Variants in ELMO2 observed in about 807,000 individuals in gnomAD.
ELMO2 encodes engulfment and cell motility protein 2.
In ELMO2, 37 loss-of-function variants were observed where a neutral mutation model predicts 96.2. The ratio of observed to expected loss-of-function variants is 0.38; its 90% CI spans 0.30 to 0.51. The LOEUF is 0.51. Among genes scored for constraint, ELMO2 ranks in the 20% least tolerant of loss-of-function variants. ELMO2 has a pLI of 0.88. For missense variants in ELMO2, 561 were observed against 912.6 expected, an observed-to-expected ratio of 0.61 and a Z score of 4.96; for synonymous variants, 315 against 329.4, an observed-to-expected ratio of 0.96 and a Z score of 0.47.
rs187295592 is a variant in ELMO2 at position 46,393,268 on chromosome 20, G to A, written c.193-125C>T. 2.6e-5 allele frequency: 26 copies of A among 1,003,908 alleles called. No individual in the cohort carries two copies. The East Asian group carries it at 5.4e-4, about 21-fold the overall frequency. The allele number at this position is 1,003,908 out of a possible 1,614,324, so 62.2% of individuals were successfully genotyped here. A position where few individuals can be genotyped will look rare whatever the true frequency, so the allele number is the denominator to read the frequency against. ...GATGTAACTGAGGATCTTCAGTCGG[G>A]CCCTCTTCTCCTGCTTATTCCTTGG... On this transcript the variant is annotated intron_variant, in intron 5 of 21. Transcript: ENST00000290246.
Position 46,374,444 on chromosome 20 carries a change from T to TA in ELMO2, c.1171-5_1171-4insT. 6.2e-7 allele frequency: 1 copy of TA among 1,613,862 alleles called. No homozygotes were observed. Among genetic ancestry groups the TA allele is most frequent in the Non-Finnish European group, 8.5e-7 (1 of 1,179,898 alleles). On this transcript the variant is annotated splice_polypyrimidine_tract_variant and splice_region_variant and intron_variant, in intron 14 of 21. Coordinates refer to ENST00000290246, the MANE Select transcript of ELMO2 (RefSeq NM_133171.5). The stretch of plus-strand genomic sequence containing the variant: ...GGCTACTGTTCTCCAAGACAATCTG[T>TA]CGGGGGAAGAGAAAGGGAGGATTAG...
Position 46,375,161 on chromosome 20 carries a change from G to GCT in ELMO2, c.1065+73_1065+74dup. 1 of 1,543,858 alleles carries GCT rather than the reference G, an allele frequency of 6.5e-7. No individual in the cohort carries two copies. Among genetic ancestry groups the GCT allele is most frequent in the Admixed American group, 1.9e-5 (1 of 53,682 alleles). On this transcript the variant is annotated intron_variant, in intron 13 of 21. Coordinates refer to ENST00000290246, the MANE Select transcript of ELMO2 (RefSeq NM_133171.5). This position sits in a 1 kb window ranked among gnomAD's most constrained non-coding sequence, Gnocchi z 4.6. ...GGCCACCATGGGGTTGGTTGTCAGA[G>GCT]CTCTGTCTGGGTGGGACCATTGACT...
intron 20 of ELMO2, 107 bp from the exon 21 acceptor site, chr20:46,369,075 T>C: frequency 3.0e-6 from 3 of 1,000,488 alleles, no homozygotes; most frequent in Admixed American, 3.7e-5. Context: ...AACATGCTGA[T>C]TCAGATGAAT....
intron 1 of ELMO2, among the ~76,000 whole-genome samples, chr20:46,405,735 T>C (rs2060425052): frequency 6.6e-6 from 1 of 151,858 alleles, no homozygotes; most frequent in Non-Finnish European, 1.5e-5. Flanking sequence ...AATACAAAAA[T>C]TAGCTGGGCG....
Position 46,373,415 on chromosome 20 carries a change from G to C in ELMO2, c.1400C>G (p.Ala467Gly). 1 of 1,614,232 alleles carries C rather than the reference G, an allele frequency of 6.2e-7. No individual in the cohort carries two copies. The highest frequency in any genetic ancestry group is 8.5e-7 in the Non-Finnish European group (1 of 1,180,050). Residue 467 changes from alanine (A) to glycine (G), a missense_variant, in exon 16 of 22, where the codon GCA becomes GGA. Physicochemically the swap from Ala to Gly is moderately conservative, Grantham distance 60 (BLOSUM62 0). Transcript: ENST00000290246. ...NKTWKEMRAT[A>G]EDFNKVMQVV... ...GACACTGACCTTGTTGAAGTCCTCT[G>C]CTGTTGCCCTCATCTCCTTCCAGGT...
rs1429702153 is a variant in ELMO2, at chr20:46,367,223, T to G, written c.*137A>C. The G allele has an allele frequency of 7.1e-6, 6 of 848,102 alleles. No homozygotes were observed. The highest frequency in any genetic ancestry group is 8.5e-6 in the Non-Finnish European group (5 of 586,768). The allele number at this position is 848,102 out of a possible 1,614,324, so 52.5% of individuals were successfully genotyped here. A position where few individuals can be genotyped will look rare whatever the true frequency, so the allele number is the denominator to read the frequency against. ...AACTCTGGGTGGTCCGAGGTGGGTT[T>G]GAGAAATGGCTGGCATTTACTGGCC... On this transcript the variant is annotated 3_prime_UTR_variant, in exon 22 of 22. Coordinates refer to ENST00000290246, the MANE Select transcript of ELMO2 (RefSeq NM_133171.5).
chr20:46,376,790 A>G, intron 11 of ELMO2: 1 of 1,289,106 alleles, frequency 7.8e-7, no homozygotes, highest in African/African-American at 1.5e-5. Flanking sequence ...ATGTCCTTCA[A>G]TTTCCCTACT....
intron 20 of ELMO2, 45 bp from the exon 21 acceptor site, chr20:46,369,013 GT>G (rs1271266530): frequency 1.3e-6 from 2 of 1,583,358 alleles, no homozygotes; most frequent in African/African-American, 2.7e-5. Flanking sequence ...ACAGCCTGGG[GT>G]CTGCACATCA....
intron 20 of ELMO2, chr20:46,370,085 T>C (rs2059670797): frequency 2.5e-6 from 1 of 392,872 alleles, no homozygotes; most frequent in Admixed American, 4.0e-5. Context: ...ATCAGTGGAA[T>C]ATTTGATCTG....
At chr20:46,386,381 C>A in intron 8 of ELMO2, 106 bp from the exon 9 acceptor site, 1 of 1,477,092 alleles carries the variant, frequency 6.8e-7, no homozygotes, top group Non-Finnish European at 9.1e-7. Context: ...CACATTTGGG[C>A]AGCTGTTGCT....
In ELMO2 at chr20:46,367,459, C is replaced by T. The variant is rs149510828; in HGVS notation, c.2064G>A (p.Lys688=). The change falls in exon 22 of 22, where the codon AAG becomes AAA. Residue 688 remains lysine (K), a synonymous_variant. Coordinates refer to ENST00000290246, the MANE Select transcript of ELMO2 (RefSeq NM_133171.5). The part of the protein sequence containing the change: ...DLDTLLSMEM[K]LRLLDLENIQ... Reference sequence around the variant, plus strand: ...TGTTCTCCAGGTCCAGGAGCCGCAGCTTCATCTCCATGCTCAGCAGGGTGT... The same window carrying T: ...TGTTCTCCAGGTCCAGGAGCCGCAGTTTCATCTCCATGCTCAGCAGGGTGT... 1,246 of 1,613,608 alleles carry T rather than the reference C, an allele frequency of 7.7e-4. 11 individuals are homozygous for T. Among genetic ancestry groups the T allele is most frequent in the South Asian group, 1.6e-3 (149 of 90,998 alleles).
chr20:46,379,798 A>G, intron 11 of ELMO2: 1 of 154,182 alleles, frequency 6.5e-6, no homozygotes, highest in South Asian at 2.0e-4. Flanking sequence ...CCTAGACCAC[A>G]AACCCAGATC....
chr20:46,405,267 G>A (rs1267093927), intron 1 of ELMO2, among the ~76,000 whole-genome samples: 1 of 152,192 alleles, frequency 6.6e-6, no homozygotes, highest in Non-Finnish European at 1.5e-5. Flanking sequence ...AAAAGTCAGG[G>A]ACAGGGATGC....
chr20:46,393,167 A>T, intron 5 of ELMO2, 24 bp from the exon 6 acceptor site: 4 of 1,609,852 alleles, frequency 2.5e-6, no homozygotes, highest in Non-Finnish European at 3.4e-6. Context: ...AATAAACAAA[A>T]AAAGTAACTA....
At chr20:46,389,749 T>C (rs1394331659) in intron 6 of ELMO2, among the ~76,000 whole-genome samples, 1 of 152,110 alleles carries the variant, frequency 6.6e-6, no homozygotes, top group African/African-American at 2.4e-5. Context: ...CTCAGGAGGC[T>C]GAGGTGGGAA....
chr20:46,371,298 C>T lies in ELMO2; in HGVS notation c.1801+54G>A. 1 of 1,556,738 alleles carries T rather than the reference C, an allele frequency of 6.4e-7. No homozygotes were observed. Among genetic ancestry groups the T allele is most frequent in the Non-Finnish European group, 8.9e-7 (1 of 1,129,522 alleles). Reference sequence around the variant, plus strand: ...GCTACAAACAGCTGGACTAGAACTCCTGTCTCCTGACAAGTCCAGCAACCA... The same window carrying T: ...GCTACAAACAGCTGGACTAGAACTCTTGTCTCCTGACAAGTCCAGCAACCA... On this transcript the variant is annotated intron_variant, in intron 19 of 21. Coordinates refer to ENST00000290246, the MANE Select transcript of ELMO2 (RefSeq NM_133171.5). The surrounding 1 kb of genome is among the most constrained non-coding windows in gnomAD (Gnocchi z 5.9).
At position 46,389,020 on chromosome 20, in the gene ELMO2, AG is replaced by A; in HGVS notation, c.425+18del. The A allele has an allele frequency of 6.2e-7, 1 of 1,606,272 alleles. No individual in the cohort carries two copies. The highest frequency in any genetic ancestry group is 8.5e-7 in the Non-Finnish European group (1 of 1,174,304). On this transcript the variant is annotated intron_variant, in intron 7 of 21. Coordinates refer to ENST00000290246, the MANE Select transcript of ELMO2 (RefSeq NM_133171.5). The stretch of plus-strand genomic sequence containing the variant: ...GTAAATCGTCGAAGTCCTTGGAACG[AG>A]ACCTTAGTCATACTCACTGGGACAA...
intron 2 of ELMO2, among the ~76,000 whole-genome samples, chr20:46,396,405 CAT>C (rs1401284185): frequency 2.6e-5 from 4 of 152,174 alleles, no homozygotes; most frequent in Admixed American, 1.3e-4. Flanking sequence ...CTTAAGGGTA[CAT>C]ATGTTTGTAT....
intron 1 of ELMO2, 118 bp from the exon 2 acceptor site, chr20:46,398,889 C>G (rs1170782146): frequency 6.6e-6 from 1 of 152,226 alleles, no homozygotes; most frequent in Non-Finnish European, 1.5e-5. Flanking sequence ...AGCGAGTTCT[C>G]ATCGCTCTAT....
Sources: allele counts gnomAD v4.1 joint callset (sites outside exome capture counted in the v4.1 genomes callset), GRCh38; gene constraint gnomAD v4.1.1; non-coding constraint Gnocchi (gnomAD v3.1); transcripts MANE v1.5; gene names NCBI Gene and HGNC (gene_info 2026-07-23, HGNC 2026-07-21).